The following EFNA2 variants were observed in gnomAD, a reference collection of about 807,000 sequenced individuals.
EFNA2 encodes the protein ephrin-A2.
Under a neutral mutation model 19.7 loss-of-function variants are expected in EFNA2, and 18 were observed. The ratio of observed to expected loss-of-function variants is 0.91; its 90% CI spans 0.63 to 1.35. The LOEUF is 1.35. EFNA2 is among the 40% of genes most tolerant of loss of function. The probability of loss-of-function intolerance (pLI) is 0.00; values close to 1 mark genes in which losing one functional copy is unlikely to be tolerated. For missense variants in EFNA2, 303 were observed against 296.0 expected (o/e 1.02, Z -0.17); for synonymous variants, 187 against 137.8 (o/e 1.36, Z -2.50).
Position 1,294,244 on chromosome 19 carries a change from G to A in EFNA2, c.141-1301G>A, listed in dbSNP as rs940871920. On this transcript the variant is annotated intron_variant, in intron 1 of 3. Coordinates refer to ENST00000215368, the MANE Select transcript of EFNA2 (RefSeq NM_001405.4). The surrounding 1 kb of genome is among the most constrained non-coding windows in gnomAD (Gnocchi z 5.8). ...CCTCGTGCCCCGCTTGGTCCAGGCC[G>A]CCGGTTACATGACAGGGGCCCTGGG... 1.1e-4 allele frequency among the ~76,000 whole-genome samples: 17 copies of A among 152,216 alleles called. No homozygotes were observed. Among genetic ancestry groups the A allele is most frequent in the Admixed American group, 9.2e-4 (14 of 15,292 alleles).
intron 1 of EFNA2, among the ~76,000 whole-genome samples, chr19:1,288,024 G>A (rs1053057426): frequency 5.3e-5 from 8 of 152,234 alleles, no homozygotes; most frequent in South Asian, 2.1e-4. Flanking sequence ...CTGTTGCTCC[G>A]GGTCTGACCT....
rs1176453840 is a variant in EFNA2 at position 1,300,595 on chromosome 19, C to T, written c.*650C>T. Reference sequence around the variant, plus strand: ...GAACACAGCTGCAGCCCACCGCGGACCCCCCTGGTGCTCCAGGTTGGGTGA... The same window carrying T: ...GAACACAGCTGCAGCCCACCGCGGATCCCCCTGGTGCTCCAGGTTGGGTGA... On this transcript the variant is annotated 3_prime_UTR_variant, in exon 4 of 4. Coordinates refer to ENST00000215368, the MANE Select transcript of EFNA2 (RefSeq NM_001405.4). Among the ~76,000 whole-genome samples, 1 of 149,344 alleles carries T rather than the reference C, an allele frequency of 6.7e-6. No individual in the cohort carries two copies. Among genetic ancestry groups the T allele is most frequent in the East Asian group, 1.9e-4 (1 of 5,170 alleles).
At position 1,295,278 on chromosome 19, in the gene EFNA2, C is replaced by T. The variant is rs897447659; in HGVS notation, c.141-267C>T. Among the ~76,000 whole-genome samples, 4 of 151,746 alleles carry T rather than the reference C, an allele frequency of 2.6e-5. No homozygotes were observed. Among genetic ancestry groups the T allele is most frequent in the African/African-American group, 9.7e-5 (4 of 41,300 alleles). On this transcript the variant is annotated intron_variant, in intron 1 of 3. Coordinates refer to ENST00000215368, the MANE Select transcript of EFNA2 (RefSeq NM_001405.4). This position sits in a 1 kb window ranked among gnomAD's most constrained non-coding sequence, Gnocchi z 5.8. ...ACCTGTCCCCTGACCCGTCCCTCCCCGCTCACCCTGTCCCGTGCCCTGTGC... is the reference window on the plus strand; with the variant it reads ...ACCTGTCCCCTGACCCGTCCCTCCCTGCTCACCCTGTCCCGTGCCCTGTGC...
rs567841820 is a variant in EFNA2, at chr19:1,287,185, C to A, written c.140+877C>A. Among the ~76,000 whole-genome samples the A allele has an allele frequency of 6.6e-6, 1 of 152,322 alleles. No homozygotes were observed. The highest frequency in any genetic ancestry group is 2.1e-4 in the South Asian group (1 of 4,826). ...GCAAAAAAAGTTTGCCGGGGCCTGG[C>A]CATGGCCTGGACGTGGGTAGAACCC... On this transcript the variant is annotated intron_variant, in intron 1 of 3. Coordinates refer to ENST00000215368, the MANE Select transcript of EFNA2 (RefSeq NM_001405.4). The surrounding 1 kb of genome is among the most constrained non-coding windows in gnomAD (Gnocchi z 6.2).
At chr19:1,284,459 G>A (rs1352045905), upstream of EFNA2, among the ~76,000 whole-genome samples, 3 of 152,252 alleles carry the variant, frequency 2.0e-5, no homozygotes, top group African/African-American at 4.8e-5. This position sits in a 1 kb window ranked among gnomAD's most constrained non-coding sequence, Gnocchi z 5.3. Context: ...TGGCAGGGAC[G>A]CTAGAGCACT....
intron 1 of EFNA2, among the ~76,000 whole-genome samples, chr19:1,293,769 T>G (rs1055421077): frequency 1.3e-5 from 2 of 152,164 alleles, no homozygotes; most frequent in African/African-American, 4.8e-5. Flanking sequence ...CGCCCTGCCT[T>G]GAAATTCTTT....
At position 1,295,545 on chromosome 19, in the gene EFNA2, G is replaced by T. The variant is rs1375974475; in HGVS notation, c.141G>T (p.Arg47Ser). The change falls in exon 2 of 4, where the codon AGG (arginine) becomes AGT (serine). Residue 47 changes from arginine to serine, a missense_variant and splice_region_variant. By Grantham distance (110) the Arg-to-Ser change is moderately radical. Transcript: ENST00000215368. The surrounding 1 kb of genome is among the most constrained non-coding windows in gnomAD (Gnocchi z 5.8). ...YAVYWNRSNP[R>S]FHAGAGDDGG... The stretch of plus-strand genomic sequence containing the variant: ...ACCTCTGGCCGCCTTGTCCCCGCAG[G>T]TTCCACGCAGGCGCGGGGGACGACG... 1 of 1,590,126 alleles carries T rather than the reference G, an allele frequency of 6.3e-7. No individual in the cohort carries two copies. The highest frequency in any genetic ancestry group is 1.1e-5 in the South Asian group (1 of 89,072).
chr19:1,295,565 A>G lies in EFNA2; in HGVS notation c.161A>G (p.Asp54Gly). ...SNPRFHAGAG[D>G]DGGGYTVEVS... ...CGCAGGTTCCACGCAGGCGCGGGGGACGACGGCGGGGGCTACACGGTGGAG... is the reference window on the plus strand; with the variant it reads ...CGCAGGTTCCACGCAGGCGCGGGGGGCGACGGCGGGGGCTACACGGTGGAG... The change falls in exon 2 of 4, where the codon GAC becomes GGC. Residue 54 changes from aspartate (D) to glycine (G), a missense_variant. Coordinates refer to ENST00000215368, the MANE Select transcript of EFNA2 (RefSeq NM_001405.4). This position sits in a 1 kb window ranked among gnomAD's most constrained non-coding sequence, Gnocchi z 5.8. The G allele has an allele frequency of 6.3e-7, 1 of 1,594,394 alleles. No individual in the cohort carries two copies. The highest frequency in any genetic ancestry group is 1.1e-5 in the South Asian group (1 of 89,746).
rs1046254571 is a variant in EFNA2, at chr19:1,297,227, C to T, written c.455-1324C>T. ...TGCAGGGGGGCCAGTGCCTGGACAC[C>T]CAGCTCCTGCTGTGTGAAATTAAAC... On this transcript the variant is annotated intron_variant, in intron 2 of 3. Transcript: ENST00000215368. The surrounding 1 kb of genome is among the most constrained non-coding windows in gnomAD (Gnocchi z 5.0). 6.6e-6 allele frequency among the ~76,000 whole-genome samples: 1 copy of T among 152,124 alleles called. No homozygotes were observed. The highest frequency in any genetic ancestry group is 1.5e-5 in the Non-Finnish European group (1 of 68,020).
At position 1,295,674 on chromosome 19, in the gene EFNA2, G is replaced by T. The variant is rs957666336; in HGVS notation, c.270G>T (p.Val90=). The change falls in exon 2 of 4, where the codon GTG becomes GTT. Residue 90 remains valine, a synonymous_variant. Transcript: ENST00000215368. This position sits in a 1 kb window ranked among gnomAD's most constrained non-coding sequence, Gnocchi z 5.8. ...LPPAERMEHY[V]LYMVNGEGHA... is the part of the protein sequence containing the mutation. ...CGGCCGAGCGCATGGAGCACTACGT[G>T]CTGTACATGGTCAACGGCGAGGGCC... The T allele has an allele frequency of 4.3e-6, 7 of 1,611,234 alleles. No individual in the cohort carries two copies. The highest frequency in any genetic ancestry group is 5.9e-6 in the Non-Finnish European group (7 of 1,179,268).
rs1428698518 is a variant in EFNA2 at position 1,296,347 on chromosome 19, G to A, written c.454+489G>A. Among the ~76,000 whole-genome samples the A allele has an allele frequency of 2.6e-5, 4 of 152,174 alleles. No homozygotes were observed. The highest frequency in any genetic ancestry group is 7.2e-5 in the African/African-American group (3 of 41,450). On this transcript the variant is annotated intron_variant, in intron 2 of 3. Coordinates refer to ENST00000215368, the MANE Select transcript of EFNA2 (RefSeq NM_001405.4). The surrounding 1 kb of genome is among the most constrained non-coding windows in gnomAD (Gnocchi z 4.4). ...CAGCACACTGATGAGGGAAACTGAGGCATCCGGAGCCCAGCAGGGGAGGGG... is the reference window on the plus strand; with the variant it reads ...CAGCACACTGATGAGGGAAACTGAGACATCCGGAGCCCAGCAGGGGAGGGG...
intron 1 of EFNA2, among the ~76,000 whole-genome samples, chr19:1,288,089 C>G (rs535886392): frequency 6.6e-6 from 1 of 152,374 alleles, no homozygotes; most frequent in South Asian, 2.1e-4. Context: ...TCCGCAGAGC[C>G]GACCTGGGCA....
chr19:1,287,144 G>GC lies in EFNA2; in HGVS notation c.140+841dup, dbSNP rs1568859722. Among the ~76,000 whole-genome samples, 1 of 152,240 alleles carries GC rather than the reference G, an allele frequency of 6.6e-6. No homozygotes were observed. The highest frequency in any genetic ancestry group is 2.4e-5 in the African/African-American group (1 of 41,464). ...AGGCACAACGTGGGGGACAGGAGAA[G>GC]CCCCCGTTGGTCAGAGCAAAAAAAG... On this transcript the variant is annotated intron_variant, in intron 1 of 3. Coordinates refer to ENST00000215368, the MANE Select transcript of EFNA2 (RefSeq NM_001405.4). This position sits in a 1 kb window ranked among gnomAD's most constrained non-coding sequence, Gnocchi z 6.2.
At chr19:1,293,297 C>T (rs2081499608) in intron 1 of EFNA2, among the ~76,000 whole-genome samples, 1 of 152,250 alleles carries the variant, frequency 6.6e-6, no homozygotes, top group Non-Finnish European at 1.5e-5. Flanking sequence ...AAGGCTGGAG[C>T]AGCTTCTGCA....
At chr19:1,298,773 T>C (rs1231867430) in intron 3 of EFNA2, among the ~76,000 whole-genome samples, 157 bp downstream of exon 3, 1 of 152,214 alleles carries the variant, frequency 6.6e-6, no homozygotes, top group Non-Finnish European at 1.5e-5. Flanking sequence ...CTGATGAACA[T>C]GTCAGACCTT....
rs747927284 is a variant in EFNA2 at position 1,297,321 on chromosome 19, C to T, written c.455-1230C>T. Among the ~76,000 whole-genome samples, 6 of 152,036 alleles carry T rather than the reference C, an allele frequency of 3.9e-5. No individual in the cohort carries two copies. Among genetic ancestry groups the T allele is most frequent in the Non-Finnish European group, 7.4e-5 (5 of 68,006 alleles). On this transcript the variant is annotated intron_variant, in intron 2 of 3. Transcript: ENST00000215368. The surrounding 1 kb of genome is among the most constrained non-coding windows in gnomAD (Gnocchi z 5.0). ...TTTCCCTTTTAATTCAGGGAAGAAGCGGGTGGGGGACGGGGGAAGGTGTTT... is the reference window on the plus strand; with the variant it reads ...TTTCCCTTTTAATTCAGGGAAGAAGTGGGTGGGGGACGGGGGAAGGTGTTT...
At chr19:1,291,217 G>A (rs1210661979) in intron 1 of EFNA2, among the ~76,000 whole-genome samples, 2 of 152,178 alleles carry the variant, frequency 1.3e-5, no homozygotes, top group African/African-American at 2.4e-5. Flanking sequence ...CCACGCCCAC[G>A]GTGACGGAAG....
At chr19:1,290,013 G>C (rs986730448) in intron 1 of EFNA2, among the ~76,000 whole-genome samples, 1 of 151,984 alleles carries the variant, frequency 6.6e-6, no homozygotes, top group Non-Finnish European at 1.5e-5. Flanking sequence ...GGAGGCCGTG[G>C]GGTACCTGGA....
rs1332736525 is a variant in EFNA2, at chr19:1,297,645, C to G, written c.455-906C>G. Among the ~76,000 whole-genome samples the G allele has an allele frequency of 6.6e-6, 1 of 152,110 alleles. No individual in the cohort carries two copies. Among genetic ancestry groups the G allele is most frequent in the Non-Finnish European group, 1.5e-5 (1 of 68,018 alleles). On this transcript the variant is annotated intron_variant, in intron 2 of 3. Transcript: ENST00000215368. This position sits in a 1 kb window ranked among gnomAD's most constrained non-coding sequence, Gnocchi z 5.0. ...CCACACGTGTGCACACCCCAGCGGC[C>G]CCGGCTTCAGGCGTCCTTTTCCTCC...
Sources: allele counts gnomAD v4.1 joint callset (sites outside exome capture counted in the v4.1 genomes callset), GRCh38; gene constraint gnomAD v4.1.1; non-coding constraint Gnocchi (gnomAD v3.1); transcripts MANE v1.5; gene names NCBI Gene and HGNC (gene_info 2026-07-23, HGNC 2026-07-21).